The following ERCC6L2 variants were observed in gnomAD, a reference collection of about 807,000 sequenced individuals.
ERCC6L2 encodes the protein ERCC excision repair 6 like 2.
In ERCC6L2, 77 loss-of-function variants were observed where a neutral mutation model predicts 132.0. The ratio of observed to expected loss-of-function variants is 0.58; its 90% CI spans 0.49 to 0.71. ERCC6L2 has a LOEUF of 0.71. Among genes scored for constraint, ERCC6L2 ranks in the 30% least tolerant of loss-of-function variants. The pLI is 0.00. For synonymous variants in ERCC6L2, 583 were observed against 632.4 expected (o/e 0.92, Z 1.17); for missense variants, 1,542 against 1,837.6 (o/e 0.84, Z 2.94).
At chr9:95,964,720 A>G (rs1039600528) in intron 13 of ERCC6L2, among the ~76,000 whole-genome samples, 1 of 152,112 alleles carries the variant, frequency 6.6e-6, no homozygotes, top group African/African-American at 2.4e-5. Flanking sequence ...TGGGTTTTTC[A>G]TAAGCTACGA....
rs1292142951 is a variant in ERCC6L2, at chr9:95,922,313, T to G, written c.1308T>G (p.Ser436=). The G allele has an allele frequency of 2.5e-5, 40 of 1,603,080 alleles. No homozygotes were observed. The highest frequency in any genetic ancestry group is 1.6e-4 in the Middle Eastern group (1 of 6,066). The part of the protein sequence containing the change: ...KRRNCCYKTN[S]HGETVKTLYL... The stretch of plus-strand genomic sequence containing the variant: ...TATTTTTCTGGTTACAGACCAATTC[T>G]CATGGTGAAACAGTGAAAACCTTGT... The change falls in exon 8 of 19, where the codon TCT becomes TCG. Residue 436 remains serine, a synonymous_variant. Coordinates refer to ENST00000653738, the MANE Select transcript of ERCC6L2 (RefSeq NM_020207.7).
chr9:95,892,623 A>C (rs774782896), intron 2 of ERCC6L2, among the ~76,000 whole-genome samples: 19 of 152,024 alleles, frequency 1.2e-4, no homozygotes, highest in Non-Finnish European at 2.8e-4. Flanking sequence ...GGGTTTCACC[A>C]TGTTGGCCAG....
rs779276706 is a variant in ERCC6L2, at chr9:95,978,089, C to T, written c.3366C>T (p.His1122=). 6.6e-6 allele frequency: 9 copies of T among 1,367,082 alleles called. No individual in the cohort carries two copies. Among genetic ancestry groups the T allele is most frequent in the Middle Eastern group, 2.1e-4 (1 of 4,782 alleles). The allele number at this position is 1,367,082 out of a possible 1,614,324, so 84.7% of individuals were successfully genotyped here. A position where few individuals can be genotyped will look rare whatever the true frequency, so the allele number is the denominator to read the frequency against. The change falls in exon 17 of 19, where the codon CAC becomes CAT. Residue 1122 remains histidine, a synonymous_variant. Transcript: ENST00000653738. ...GCGTTCAGGAAGTGGCTTATATTCA[C>T]TCAAACCAGAATGTAATTGGATCGA... The part of the protein sequence containing the change: ...LDGVQEVAYI[H]SNQNVIGSSK...
intron 17 of ERCC6L2, among the ~76,000 whole-genome samples, chr9:95,984,547 C>T (rs1451179250): frequency 6.6e-6 from 1 of 152,028 alleles, no homozygotes. Context: ...AAGCCTTCCT[C>T]TTACACTCTT....
intron 12 of ERCC6L2, among the ~76,000 whole-genome samples, chr9:95,950,985 A>T (rs1831304004): frequency 6.6e-6 from 1 of 152,200 alleles, no homozygotes; most frequent in Non-Finnish European, 1.5e-5. Context: ...GACCTAACAG[A>T]TATATAGAAT....
chr9:95,882,629 A>C (rs185383268), intron 2 of ERCC6L2, among the ~76,000 whole-genome samples: 3 of 152,194 alleles, frequency 2.0e-5, no homozygotes, highest in Non-Finnish European at 4.4e-5. Flanking sequence ...TAAATAGCCA[A>C]ATTTCAGACA....
chr9:95,957,115 T>C (rs1831642635), intron 13 of ERCC6L2, among the ~76,000 whole-genome samples: 1 of 152,210 alleles, frequency 6.6e-6, no homozygotes, highest in Admixed American at 6.5e-5. Flanking sequence ...GCTTGAGATA[T>C]CAATTACTAC....
intron 17 of ERCC6L2, among the ~76,000 whole-genome samples, chr9:95,980,224 C>T (rs1158937524): frequency 1.3e-5 from 2 of 152,156 alleles, no homozygotes; most frequent in African/African-American, 4.8e-5. Context: ...CAGTGATTTT[C>T]AGAGGGAGGG....
intron 4 of ERCC6L2, among the ~76,000 whole-genome samples, chr9:95,910,978 A>G (rs775298485): frequency 2.0e-5 from 3 of 152,170 alleles, no homozygotes; most frequent in Admixed American, 6.6e-5. Flanking sequence ...CAGTGGTGCT[A>G]TCACAGCTCA....
At chr9:95,951,395 G>A (rs565020800) in intron 12 of ERCC6L2, among the ~76,000 whole-genome samples, 1 of 152,196 alleles carries the variant, frequency 6.6e-6, no homozygotes, top group South Asian at 2.1e-4. Flanking sequence ...TCCACCTTAA[G>A]GAACTAGGAA....
intron 17 of ERCC6L2, among the ~76,000 whole-genome samples, chr9:95,996,973 CT>C (rs1462124851): frequency 6.6e-6 from 1 of 152,190 alleles, no homozygotes. Flanking sequence ...TGGCACATGC[CT>C]GTAGTTCTAG....
At chr9:95,925,581 G>T (rs942574955) in intron 9 of ERCC6L2, among the ~76,000 whole-genome samples, 2 of 152,134 alleles carry the variant, frequency 1.3e-5, no homozygotes, top group Non-Finnish European at 2.9e-5. Context: ...AAATTTCTGG[G>T]ATCTTAATTT....
chr9:95,973,939 C>T lies in ERCC6L2; in HGVS notation c.3337+851C>T, dbSNP rs954891745. Among the ~76,000 whole-genome samples, 6 of 152,312 alleles carry T rather than the reference C, an allele frequency of 3.9e-5. No individual in the cohort carries two copies. The South Asian group carries it at 1.2e-3, about 32-fold the overall frequency. ...GTTTGCATTTTGCTAATTGTACCCT[C>T]TCCATGCAGTTAAACATGTTCTTCT... On this transcript the variant is annotated intron_variant, in intron 16 of 18. Coordinates refer to ENST00000653738, the MANE Select transcript of ERCC6L2 (RefSeq NM_020207.7).
rs71807094 is a variant in ERCC6L2 at position 96,017,885 on chromosome 9, TAC to T, written c.*4690_*4691del. Among the ~76,000 whole-genome samples, 19,995 of 152,240 alleles carry T rather than the reference TAC, an allele frequency of 0.13. 1,372 individuals are homozygous for T. Among genetic ancestry groups the T allele is most frequent in the South Asian group, 0.23 (1,131 of 4,820 alleles). On this transcript the variant is annotated 3_prime_UTR_variant, in exon 19 of 19. Transcript: ENST00000653738. ...ACCTATCGATGAATAAGCAAAATAT[TAC>T]ACACACAGGAATATTATTCAGCCTT...
intron 17 of ERCC6L2, among the ~76,000 whole-genome samples, chr9:95,983,598 C>T (rs1297190161): frequency 6.6e-6 from 1 of 152,160 alleles, no homozygotes; most frequent in African/African-American, 2.4e-5. Context: ...CTATTTTATC[C>T]TTCTCTGAAA....
intron 11 of ERCC6L2, among the ~76,000 whole-genome samples, chr9:95,937,130 T>C (rs541283179): frequency 6.6e-6 from 1 of 152,320 alleles, no homozygotes; most frequent in East Asian, 1.9e-4. Flanking sequence ...TCCTCTGGGA[T>C]AAATGCTAAA....
chr9:95,926,729 C>A lies in ERCC6L2; in HGVS notation c.1534-1350C>A, dbSNP rs181397538. Reference sequence around the variant, plus strand: ...ACATGTCATGATATATTTGTCAAAACCCGTGAACTATGTAACACAATGAAT... The same window carrying A: ...ACATGTCATGATATATTTGTCAAAAACCGTGAACTATGTAACACAATGAAT... On this transcript the variant is annotated intron_variant, in intron 9 of 18. Transcript: ENST00000653738. 4.1e-3 allele frequency among the ~76,000 whole-genome samples: 621 copies of A among 152,126 alleles called. 7 individuals are homozygous for A. Among genetic ancestry groups the A allele is most frequent in the African/African-American group, 0.014 (593 of 41,526 alleles).
At chr9:95,926,923 G>A (rs532880100) in intron 9 of ERCC6L2, among the ~76,000 whole-genome samples, 6 of 152,062 alleles carry the variant, frequency 3.9e-5, no homozygotes, top group African/African-American at 1.4e-4. Context: ...GTTGGAAGTA[G>A]GGAAAGAGGA....
At chr9:95,888,851 A>G (rs1828012810) in intron 2 of ERCC6L2, among the ~76,000 whole-genome samples, 1 of 152,124 alleles carries the variant, frequency 6.6e-6, no homozygotes. Flanking sequence ...TTGTGTATTG[A>G]CACTTTGCTG....
Sources: allele counts gnomAD v4.1 joint callset (sites outside exome capture counted in the v4.1 genomes callset), GRCh38; gene constraint gnomAD v4.1.1; transcripts MANE v1.5; gene names NCBI Gene and HGNC (gene_info 2026-07-23, HGNC 2026-07-21).